Variants in WDR7 observed in about 807,000 individuals in gnomAD.
The protein encoded by WDR7 is WD repeat domain 7.
Under a neutral mutation model 169.4 loss-of-function variants are expected in WDR7, and 46 were observed. The ratio of observed to expected loss-of-function variants is 0.27; its 90% CI spans 0.21 to 0.35. The LOEUF is 0.35. Among genes scored for constraint, WDR7 ranks in the 10% least tolerant of loss-of-function variants. The probability of loss-of-function intolerance (pLI) is 1.00; values close to 1 mark genes in which losing one functional copy is unlikely to be tolerated. For synonymous variants in WDR7, 612 were observed against 666.8 expected, an observed-to-expected ratio of 0.92 and a Z score of 1.27; for missense variants, 1,534 against 1,859.3, an observed-to-expected ratio of 0.83 and a Z score of 3.22.
chr18:56,916,873 C>T (rs144239411), intron 21 of WDR7, among the ~76,000 whole-genome samples: 2,131 of 152,196 alleles, frequency 0.014, 31 homozygotes, highest in East Asian at 0.037. Context: ...ACCAGCCTGG[C>T]CAACATGGTG....
intron 1 of WDR7, among the ~76,000 whole-genome samples, chr18:56,660,267 T>G (rs917034960): frequency 1.3e-5 from 2 of 152,152 alleles, no homozygotes; most frequent in Non-Finnish European, 2.9e-5. Flanking sequence ...AAGGAGATGT[T>G]GAGTAGGAAG....
rs76266471 is a variant in WDR7 at position 56,940,983 on chromosome 18, G to A, written c.4064+1590G>A. ...GGTTCTGCTAGAATGCTAAGGAGGC[G>A]TGTGTCTTAACTGAAGGCTCAGTAT... On this transcript the variant is annotated intron_variant, in intron 25 of 27. Transcript: ENST00000254442. 6.5e-3 allele frequency among the ~76,000 whole-genome samples: 987 copies of A among 152,322 alleles called. 14 individuals carry two copies. Among genetic ancestry groups the A allele is most frequent in the African/African-American group, 0.021 (864 of 41,572 alleles).
intron 2 of WDR7, among the ~76,000 whole-genome samples, chr18:56,678,332 A>G (rs1016748960): frequency 6.6e-6 from 1 of 152,056 alleles, no homozygotes; most frequent in African/African-American, 2.4e-5. Context: ...TGATACTTGT[A>G]GATGTTTGTC....
intron 21 of WDR7, among the ~76,000 whole-genome samples, chr18:56,888,372 G>C (rs2046224859): frequency 6.6e-6 from 1 of 152,338 alleles, no homozygotes; most frequent in South Asian, 2.1e-4. Context: ...GGTAAGCTAT[G>C]TATCCCTCTG....
At chr18:56,678,909 T>C (rs519979) in intron 2 of WDR7, among the ~76,000 whole-genome samples, 139,928 of 152,242 alleles carry the variant, frequency 0.92, 65,447 homozygotes, top group East Asian at 1. Context: ...ATCCTTTCCC[T>C]CACACAAATG....
intron 21 of WDR7, among the ~76,000 whole-genome samples, chr18:56,907,093 G>A (rs1012745436): frequency 6.6e-6 from 1 of 152,146 alleles, no homozygotes; most frequent in Non-Finnish European, 1.5e-5. Flanking sequence ...CCAAGTCTGT[G>A]TGTTTTTTAA....
intron 2 of WDR7, among the ~76,000 whole-genome samples, chr18:56,674,252 C>G (rs2025196795): frequency 6.6e-6 from 1 of 152,178 alleles, no homozygotes; most frequent in Non-Finnish European, 1.5e-5. Flanking sequence ...GCATTCCCAT[C>G]AGCAGTGCAT....
At chr18:56,908,350 C>T (rs1484458927) in intron 21 of WDR7, among the ~76,000 whole-genome samples, 1 of 152,170 alleles carries the variant, frequency 6.6e-6, no homozygotes, top group Non-Finnish European at 1.5e-5. Flanking sequence ...GGAAACTCTG[C>T]CAATCAAGCT....
intron 21 of WDR7, among the ~76,000 whole-genome samples, chr18:56,918,153 C>T (rs1021426272): frequency 6.6e-6 from 1 of 152,176 alleles, no homozygotes; most frequent in Non-Finnish European, 1.5e-5. Context: ...ATGTTACACA[C>T]TAAATTCTCA....
intron 4 of WDR7, among the ~76,000 whole-genome samples, chr18:56,682,132 A>G (rs1310622375): frequency 1.3e-5 from 2 of 152,230 alleles, no homozygotes; most frequent in Non-Finnish European, 2.9e-5. Flanking sequence ...TCCTCCTGAC[A>G]CCCTTACATA....
At chr18:56,902,453 G>A (rs2046416436) in intron 21 of WDR7, among the ~76,000 whole-genome samples, 1 of 152,132 alleles carries the variant, frequency 6.6e-6, no homozygotes, top group African/African-American at 2.4e-5. Context: ...AGATTGAAAT[G>A]TTATTGTCTT....
intron 12 of WDR7, among the ~76,000 whole-genome samples, chr18:56,704,044 T>C (rs928266009): frequency 9.2e-5 from 14 of 152,334 alleles, no homozygotes; most frequent in African/African-American, 3.4e-4. Flanking sequence ...GTTTATAATC[T>C]TTTAAGCCTT....
chr18:57,005,403 C>T (rs548394425), intron 26 of WDR7, among the ~76,000 whole-genome samples: 1 of 152,052 alleles, frequency 6.6e-6, no homozygotes, highest in Non-Finnish European at 1.5e-5. Flanking sequence ...AACTATGACT[C>T]TCATCTCTGA....
intron 20 of WDR7, among the ~76,000 whole-genome samples, chr18:56,851,155 G>A (rs571002264): frequency 4.6e-5 from 7 of 152,064 alleles, no homozygotes; most frequent in African/African-American, 1.2e-4. Flanking sequence ...TCTTCAGGGC[G>A]TCCTTTATGC....
intron 21 of WDR7, among the ~76,000 whole-genome samples, chr18:56,923,237 G>GTAA (rs1235466597): frequency 3.3e-5 from 5 of 152,116 alleles, no homozygotes. Flanking sequence ...GCCACTAGAC[G>GTAA]TAAGTATACA....
intron 26 of WDR7, among the ~76,000 whole-genome samples, chr18:56,971,033 A>C (rs1224611919): frequency 6.6e-6 from 1 of 152,152 alleles, no homozygotes; most frequent in Non-Finnish European, 1.5e-5. Flanking sequence ...GCACTTTGGG[A>C]GGCCAAGGCA....
intron 19 of WDR7, among the ~76,000 whole-genome samples, chr18:56,808,095 T>C (rs988934604): frequency 2.0e-5 from 3 of 152,166 alleles, no homozygotes; most frequent in African/African-American, 4.8e-5. Flanking sequence ...GGGAACCGGC[T>C]GTGGATCGAT....
intron 19 of WDR7, among the ~76,000 whole-genome samples, chr18:56,807,460 A>G (rs2145183711): frequency 6.6e-6 from 1 of 152,302 alleles, no homozygotes; most frequent in Admixed American, 6.5e-5. Context: ...ACATGCAGTA[A>G]TTAGAAGCAT....
intron 19 of WDR7, among the ~76,000 whole-genome samples, chr18:56,803,740 T>G (rs1243363175): frequency 1.3e-5 from 2 of 152,218 alleles, no homozygotes; most frequent in East Asian, 1.9e-4. Flanking sequence ...TATTGAGCAC[T>G]TACCACATCT....
Sources: gnomAD v4.1 joint callset for allele counts (sites outside exome capture counted in the v4.1 genomes callset) on GRCh38, gnomAD v4.1.1 for gene constraint, MANE v1.5 for transcripts, NCBI Gene and HGNC (gene_info 2026-07-23, HGNC 2026-07-21) for gene names.